The following ERP44 variants were observed in gnomAD, a reference collection of about 807,000 sequenced individuals.
ERP44 encodes endoplasmic reticulum resident protein 44.
ERP44 carries 25 observed loss-of-function variants against 53.4 expected under a neutral mutation model. The observed-to-expected ratio is 0.47, with a 90% confidence interval of 0.34 to 0.65. The LOEUF (loss-of-function observed/expected upper bound fraction) is 0.65. Ranked by LOEUF, ERP44 falls within the 30% of genes least tolerant of loss-of-function variation. The probability of loss-of-function intolerance (pLI) is 0.01; values close to 1 mark genes in which losing one functional copy is unlikely to be tolerated. For missense variants in ERP44, 338 were observed against 493.2 expected, an observed-to-expected ratio of 0.69 and a Z score of 2.98; for synonymous variants, 145 against 161.2, an observed-to-expected ratio of 0.90 and a Z score of 0.76.
chr9:100,098,475 C>A lies in ERP44; in HGVS notation c.57+309G>T, dbSNP rs1187543889. ...CTTGGTCTTTTCCGATTCAAGCTAC[C>A]ACCAGGTCCACTAGCCCTCGAAACC... On this transcript the variant is annotated intron_variant, in intron 1 of 11. Transcript: ENST00000262455. Among the ~76,000 whole-genome samples the A allele has an allele frequency of 2.0e-5, 3 of 152,196 alleles. No homozygotes were observed. The East Asian group carries it at 5.8e-4, about 29-fold the overall frequency.
intron 1 of ERP44, among the ~76,000 whole-genome samples, chr9:100,068,370 G>A (rs1286472435): frequency 2.9e-5 from 4 of 139,098 alleles, no homozygotes; most frequent in Admixed American, 6.9e-5. Context: ...CGCCCCGTCC[G>A]GGAGGGAGGT....
chr9:100,032,508 A>T (rs1312499049), intron 4 of ERP44, among the ~76,000 whole-genome samples: 1 of 152,238 alleles, frequency 6.6e-6, no homozygotes, highest in Non-Finnish European at 1.5e-5. Flanking sequence ...ATTGCCAAAT[A>T]TGAGATGGTA....
At chr9:100,073,895 C>G (rs1045877581) in intron 1 of ERP44, among the ~76,000 whole-genome samples, 2 of 152,170 alleles carry the variant, frequency 1.3e-5, no homozygotes, top group African/African-American at 4.8e-5. Flanking sequence ...CCTATCCTTA[C>G]TACATTCAAT....
At position 100,022,225 on chromosome 9, in the gene ERP44, A is replaced by G; in HGVS notation, c.288T>C (p.Ser96=). The G allele has an allele frequency of 6.2e-7, 1 of 1,603,756 alleles. No homozygotes were observed. Among genetic ancestry groups the G allele is most frequent in the African/African-American group, 1.3e-5 (1 of 74,374 alleles). The change falls in exon 5 of 12, where the codon TCT becomes TCC. Residue 96 remains serine, a splice_region_variant and synonymous_variant. Transcript: ENST00000262455. Reference sequence around the variant, plus strand: ...TTATCCTGTATCTCTGGGCTATGTCAGCTAAAAGAATGAAAAAAAATTATT... The same window carrying G: ...TTATCCTGTATCTCTGGGCTATGTCGGCTAAAAGAATGAAAAAAAATTATT... ...VFARVDCDQH[S]DIAQRYRISK...
At chr9:100,061,770 C>T (rs1826152857) in intron 1 of ERP44, among the ~76,000 whole-genome samples, 1 of 151,858 alleles carries the variant, frequency 6.6e-6, no homozygotes, top group African/African-American at 2.4e-5. Flanking sequence ...TAAATAATTG[C>T]AAATCTCCAA....
chr9:99,989,010 A>G lies in ERP44; in HGVS notation c.1017-3941T>C, dbSNP rs144740021. ...GGGTGCCTGCCATTGCTGAGGCTTGACTAGGTAAACAAAGCGGCCAGGAAT... is the reference window on the plus strand; with the variant it reads ...GGGTGCCTGCCATTGCTGAGGCTTGGCTAGGTAAACAAAGCGGCCAGGAAT... On this transcript the variant is annotated intron_variant, in intron 10 of 11. Coordinates refer to ENST00000262455, the MANE Select transcript of ERP44 (RefSeq NM_015051.3). 5.4e-3 allele frequency among the ~76,000 whole-genome samples: 818 copies of G among 152,306 alleles called. 8 individuals are homozygous for G. Among genetic ancestry groups the G allele is most frequent in the African/African-American group, 0.018 (728 of 41,566 alleles).
intron 10 of ERP44, among the ~76,000 whole-genome samples, chr9:99,992,194 G>C (rs929263114): frequency 2.0e-5 from 3 of 152,084 alleles, no homozygotes; most frequent in Admixed American, 1.3e-4. Flanking sequence ...TGATACCAAA[G>C]CCTGGCAGAG....
Position 99,982,705 on chromosome 9 carries a change from T to C in ERP44, c.1128A>G (p.Gln376=). ...PTDTAPGEQA[Q]DVASSPPESS... is the part of the protein sequence containing the mutation. ...TCTCAGGTGGACTGCTTGCTACATC[T>C]TGGGCTTGCTACAAAAGAAAGAATA... Residue 376 remains glutamine (Q), a synonymous_variant, in exon 12 of 12, where the codon CAA becomes CAG. Transcript: ENST00000262455. 1 of 1,598,166 alleles carries C rather than the reference T, an allele frequency of 6.3e-7. No homozygotes were observed.
intron 6 of ERP44, 69 bp downstream of exon 6, chr9:100,020,547 C>A (rs1830576722): frequency 1.3e-6 from 1 of 779,316 alleles, no homozygotes; most frequent in Non-Finnish European, 2.3e-6. Flanking sequence ...CAGGAAATGA[C>A]CAAATACAAC....
intron 1 of ERP44, 144 bp downstream of exon 1, chr9:100,098,640 G>T: frequency 1.6e-6 from 1 of 629,236 alleles, no homozygotes; most frequent in South Asian, 2.0e-5. Flanking sequence ...CGACAGGCGA[G>T]AGTGAGGGCA....
At chr9:100,068,280 G>A (rs1826250050) in intron 1 of ERP44, among the ~76,000 whole-genome samples, 1 of 146,650 alleles carries the variant, frequency 6.8e-6, no homozygotes, top group East Asian at 2.1e-4. Context: ...CGCCCCTACT[G>A]GGAAGTGAGG....
intron 6 of ERP44, among the ~76,000 whole-genome samples, chr9:100,018,879 A>G (rs1377444698): frequency 1.3e-5 from 2 of 152,206 alleles, no homozygotes; most frequent in Non-Finnish European, 2.9e-5. Context: ...ACCTAGATTG[A>G]TAACCGTGGG....
chr9:100,093,947 C>A (rs144124186), intron 1 of ERP44, among the ~76,000 whole-genome samples: 24 of 152,248 alleles, frequency 1.6e-4, no homozygotes, highest in Non-Finnish European at 2.8e-4. Context: ...TGGCACAACC[C>A]CTATACGGAG....
chr9:100,078,228 A>T (rs2416985), intron 1 of ERP44, among the ~76,000 whole-genome samples: 102,147 of 151,600 alleles, frequency 0.67, 35,499 homozygotes, highest in East Asian at 0.91. Flanking sequence ...GAGGCTGAGG[A>T]GGGCAGATCA....
intron 5 of ERP44, among the ~76,000 whole-genome samples, chr9:100,021,498 G>A (rs1031952800): frequency 6.6e-6 from 1 of 152,228 alleles, no homozygotes; most frequent in Non-Finnish European, 1.5e-5. Flanking sequence ...TAGCTTGCAA[G>A]TAGGGTAAAG....
chr9:100,071,775 G>C (rs983718319), intron 1 of ERP44, among the ~76,000 whole-genome samples: 2 of 152,070 alleles, frequency 1.3e-5, no homozygotes, highest in Non-Finnish European at 2.9e-5. Context: ...CAAAAAATTA[G>C]CTGGGCGTGG....
chr9:99,994,005 G>T (rs1008127071), intron 10 of ERP44, among the ~76,000 whole-genome samples: 2 of 152,122 alleles, frequency 1.3e-5, no homozygotes, highest in Admixed American at 1.3e-4. Context: ...GGAAACAACA[G>T]GTGCTGGAGA....
At chr9:100,052,035 A>G (rs1401650460) in intron 4 of ERP44, among the ~76,000 whole-genome samples, 1 of 152,216 alleles carries the variant, frequency 6.6e-6, no homozygotes, top group Non-Finnish European at 1.5e-5. Flanking sequence ...GTATTTTCAC[A>G]TGATTCTAAA....
intron 10 of ERP44, among the ~76,000 whole-genome samples, chr9:99,990,705 A>G (rs1337875484): frequency 6.6e-6 from 1 of 152,264 alleles, no homozygotes; most frequent in African/African-American, 2.4e-5. Flanking sequence ...CCCCAATTAA[A>G]AGACACAGAC....
Sources: allele counts gnomAD v4.1 joint callset (sites outside exome capture counted in the v4.1 genomes callset), GRCh38; gene constraint gnomAD v4.1.1; transcripts MANE v1.5; gene names NCBI Gene and HGNC (gene_info 2026-07-23, HGNC 2026-07-21).